The following FAM184B variants were observed in gnomAD, a reference collection of about 807,000 sequenced individuals.
The protein encoded by FAM184B is protein FAM184B.
In FAM184B, 111 loss-of-function variants were observed where a neutral mutation model predicts 135.9. The observed-to-expected ratio is 0.82, with a 90% CI of 0.70 to 0.96. The LOEUF (loss-of-function observed/expected upper bound fraction) is 0.96, where lower values mean the gene tolerates loss of function less well. FAM184B is among the 40% of genes least tolerant of loss of function. The pLI is 0.00. For synonymous variants in FAM184B, 552 were observed against 524.8 expected (o/e 1.05, Z -0.71); for missense variants, 1,375 against 1,323.9 (o/e 1.04, Z -0.60).
chr4:17,691,864 C>A (rs946433807), intron 6 of FAM184B, among the ~76,000 whole-genome samples: 2 of 151,492 alleles, frequency 1.3e-5, no homozygotes, highest in African/African-American at 4.9e-5. Context: ...ACCATCCTGG[C>A]CAACATGGTG....
chr4:17,742,773 C>T (rs1234369012), intron 1 of FAM184B, among the ~76,000 whole-genome samples: 1 of 152,204 alleles, frequency 6.6e-6, no homozygotes, highest in Non-Finnish European at 1.5e-5. Context: ...TAAAGTCTTC[C>T]ACATGCATCA....
At chr4:17,660,111 T>C (rs1469552169) in intron 8 of FAM184B, 24 bp from the exon 9 acceptor site, 1 of 1,550,124 alleles carries the variant, frequency 6.5e-7, no homozygotes, top group Admixed American at 2.0e-5. Flanking sequence ...GATGCCACAA[T>C]CACAAAAGAT....
intron 1 of FAM184B, among the ~76,000 whole-genome samples, chr4:17,746,855 T>C (rs534181007): frequency 1.3e-5 from 2 of 151,500 alleles, no homozygotes; most frequent in South Asian, 2.1e-4. Flanking sequence ...CTGACCAACA[T>C]GGAGAAACCC....
At chr4:17,673,227 A>C (rs1452685556) in intron 7 of FAM184B, among the ~76,000 whole-genome samples, 1 of 152,192 alleles carries the variant, frequency 6.6e-6, no homozygotes, top group Non-Finnish European at 1.5e-5. Context: ...CCACAACGTG[A>C]TACCACCTTA....
At chr4:17,739,555 G>GTTTTTATTTTTTTT (rs1553841421) in intron 1 of FAM184B, among the ~76,000 whole-genome samples, 1 of 62,510 alleles carries the variant, frequency 1.6e-5, no homozygotes, top group African/African-American at 6.2e-5. Flanking sequence ...CATACCAACT[G>GTTTTTATTTTTTTT]TTTTTTTTTT....
At chr4:17,730,926 A>C (rs568661954) in intron 1 of FAM184B, among the ~76,000 whole-genome samples, 1 of 152,360 alleles carries the variant, frequency 6.6e-6, no homozygotes, top group East Asian at 1.9e-4. Flanking sequence ...AGGCTCGAGA[A>C]TTACGTGAAG....
chr4:17,639,512 T>C, intron 13 of FAM184B, 116 bp from the exon 14 acceptor site: 2 of 1,261,674 alleles, frequency 1.6e-6, no homozygotes, highest in Middle Eastern at 2.7e-4. Context: ...TGGGGAGAAA[T>C]TGTGATCTAA....
At position 17,652,774 on chromosome 4, in the gene FAM184B, T is replaced by C. The variant is rs1397197462; in HGVS notation, c.2191+56A>G. ...TGGCCCTCAGCTTGTCTCTGGTTTC[T>C]ACATGCAGACCCTGCAGTTGGCCAG... On this transcript the variant is annotated intron_variant, in intron 11 of 17. Coordinates refer to ENST00000265018, the MANE Select transcript of FAM184B (RefSeq NM_015688.2). The C allele has an allele frequency of 5.3e-6, 8 of 1,518,088 alleles. No homozygotes were observed. In the East Asian group the frequency reaches 2.0e-4, roughly 38 times the overall value. 94.0% of individuals were successfully genotyped at this position (1,518,088 alleles called of 1,614,324 possible).
intron 1 of FAM184B, among the ~76,000 whole-genome samples, chr4:17,779,174 T>C (rs1718986743): frequency 6.6e-6 from 1 of 152,052 alleles, no homozygotes; most frequent in African/African-American, 2.4e-5. Flanking sequence ...AAACACAAGA[T>C]CTGATGGAAG....
At chr4:17,684,706 C>A (rs1330653468) in intron 7 of FAM184B, among the ~76,000 whole-genome samples, 1 of 152,028 alleles carries the variant, frequency 6.6e-6, no homozygotes, top group African/African-American at 2.4e-5. Context: ...GTTCTTGCTG[C>A]AACTCTATAG....
intron 7 of FAM184B, among the ~76,000 whole-genome samples, chr4:17,686,044 A>T (rs1716578953): frequency 6.6e-6 from 1 of 152,186 alleles, no homozygotes; most frequent in South Asian, 2.1e-4. Flanking sequence ...CTCATCAAGA[A>T]GGATACCAGC....
At chr4:17,716,774 G>T (rs1314608359) in intron 1 of FAM184B, among the ~76,000 whole-genome samples, 2 of 151,996 alleles carry the variant, frequency 1.3e-5, no homozygotes, top group Non-Finnish European at 2.9e-5. Context: ...CTTTAGCCTT[G>T]CATTCTTGGC....
intron 1 of FAM184B, among the ~76,000 whole-genome samples, chr4:17,752,289 G>A (rs1224702619): frequency 6.6e-6 from 1 of 152,096 alleles, no homozygotes; most frequent in African/African-American, 2.4e-5. Context: ...GTCTGACATG[G>A]GTAGATGGGT....
chr4:17,752,552 A>G (rs772258145), intron 1 of FAM184B, among the ~76,000 whole-genome samples: 1 of 152,170 alleles, frequency 6.6e-6, no homozygotes, highest in Non-Finnish European at 1.5e-5. Context: ...ACCTCCGGAG[A>G]TCTCAGCAGG....
chr4:17,714,992 A>C (rs1299701163), intron 1 of FAM184B, among the ~76,000 whole-genome samples: 2 of 151,612 alleles, frequency 1.3e-5, no homozygotes, highest in Non-Finnish European at 2.9e-5. Flanking sequence ...CCTTCCCCTC[A>C]CCTCCCTGCA....
At chr4:17,666,944 T>G (rs1056089251) in intron 7 of FAM184B, among the ~76,000 whole-genome samples, 8 of 147,018 alleles carry the variant, frequency 5.4e-5, no homozygotes, top group African/African-American at 7.6e-5. Flanking sequence ...CACTTTTTTT[T>G]TTGTTTTTTT....
intron 1 of FAM184B, among the ~76,000 whole-genome samples, chr4:17,727,059 G>T (rs1424078834): frequency 6.6e-6 from 1 of 152,122 alleles, no homozygotes; most frequent in Admixed American, 6.5e-5. Context: ...CTGGTGCCAG[G>T]ACACACATAG....
At chr4:17,733,944 C>T (rs1465673241) in intron 1 of FAM184B, among the ~76,000 whole-genome samples, 1 of 152,266 alleles carries the variant, frequency 6.6e-6, no homozygotes, top group East Asian at 1.9e-4. Flanking sequence ...TACAAGGCTA[C>T]AGTAACCAAA....
intron 5 of FAM184B, among the ~76,000 whole-genome samples, chr4:17,696,648 C>T (rs1454613377): frequency 4.6e-5 from 7 of 152,006 alleles, no homozygotes; most frequent in East Asian, 3.9e-4. Flanking sequence ...GCTATCTCTA[C>T]GAAATTTTTA....
Sources: gnomAD v4.1 joint callset for allele counts (sites outside exome capture counted in the v4.1 genomes callset) on GRCh38, gnomAD v4.1.1 for gene constraint, MANE v1.5 for transcripts, NCBI Gene and HGNC (gene_info 2026-07-23, HGNC 2026-07-21) for gene names.